Variants in PRKCH observed in about 807,000 individuals in gnomAD.
PRKCH encodes protein kinase C eta type.
PRKCH carries 28 observed loss-of-function variants against 82.5 expected under a neutral mutation model. That is an observed-to-expected ratio of 0.34 (90% confidence interval 0.25 to 0.47). PRKCH has a LOEUF of 0.47. PRKCH is among the 20% of genes least tolerant of loss of function. The pLI is 1.00. For synonymous variants in PRKCH, 322 were observed against 327.4 expected (o/e 0.98, Z 0.18); for missense variants, 705 against 881.8 (o/e 0.80, Z 2.54).
chr14:61,498,000 A>T (rs2139944158), intron 10 of PRKCH, among the ~76,000 whole-genome samples: 1 of 152,070 alleles, frequency 6.6e-6, no homozygotes, highest in South Asian at 2.1e-4. Context: ...TTTTATCATT[A>T]AAAAAATGCC....
At chr14:61,470,143 G>A (rs1327893411) in intron 9 of PRKCH, among the ~76,000 whole-genome samples, 1 of 151,660 alleles carries the variant, frequency 6.6e-6, no homozygotes, top group African/African-American at 2.4e-5. Flanking sequence ...CAAGTGCTCC[G>A]TTATATTTTT....
rs1883865879 is a variant in PRKCH, at chr14:61,439,712, T to A, written c.428-3399T>A. On this transcript the variant is annotated intron_variant, in intron 2 of 13. Transcript: ENST00000332981. ...GGCTTTAGGATTTGGGGGAGTTTGCTCAGGCTCTGAGGCAGGTAGGTTAAG... is the reference window on the plus strand; with the variant it reads ...GGCTTTAGGATTTGGGGGAGTTTGCACAGGCTCTGAGGCAGGTAGGTTAAG... 2.6e-5 allele frequency among the ~76,000 whole-genome samples: 4 copies of A among 152,102 alleles called. No homozygotes were observed. The South Asian group carries it at 8.3e-4, about 31-fold the overall frequency.
At chr14:61,488,059 A>G (rs1276849041) in intron 10 of PRKCH, among the ~76,000 whole-genome samples, 4 of 152,064 alleles carry the variant, frequency 2.6e-5, no homozygotes, top group Non-Finnish European at 5.9e-5. Context: ...AGGCTGAGGC[A>G]GAAGAATAGT....
intron 1 of PRKCH, chr14:61,305,146 A>G (rs2045477270): frequency 6.6e-6 from 1 of 151,408 alleles, no homozygotes; most frequent in African/African-American, 2.4e-5. Context: ...ACTCTACCCC[A>G]TTTTCTTTTT....
chr14:61,526,366 G>T (rs776592817), intron 10 of PRKCH, among the ~76,000 whole-genome samples: 1 of 152,194 alleles, frequency 6.6e-6, no homozygotes, highest in Non-Finnish European at 1.5e-5. Flanking sequence ...CTGACACCCG[G>T]GGAGGCTGCT....
chr14:61,280,605 C>A lies in PRKCH; in HGVS notation c.-19+92937C>A. On this transcript the variant is annotated intron_variant, in intron 1 of 3. Transcript: ENST00000555185. The surrounding 1 kb of genome is among the most constrained non-coding windows in gnomAD (Gnocchi z 5.0). The stretch of plus-strand genomic sequence containing the variant: ...GCACCTCGACGTAGGGCCCGCCGGG[C>A]TGGCGCTGGTGCCAAAGCGAGAAGG... 1 of 1,587,092 alleles carries A rather than the reference C, an allele frequency of 6.3e-7. No individual in the cohort carries two copies. Among genetic ancestry groups the A allele is most frequent in the Non-Finnish European group, 8.6e-7 (1 of 1,166,986 alleles).
intron 2 of PRKCH, among the ~76,000 whole-genome samples, chr14:61,435,075 T>C (rs1358434388): frequency 6.6e-6 from 1 of 152,066 alleles, no homozygotes; most frequent in East Asian, 1.9e-4. Flanking sequence ...AGCCAGAGGA[T>C]AAATAACCCA....
At position 61,392,199 on chromosome 14, in the gene PRKCH, A is replaced by G. The variant is rs564394666; in HGVS notation, c.427+911A>G. The stretch of plus-strand genomic sequence containing the variant: ...GGGGTTTTTCCTATTGTTGTCTATT[A>G]TGAATAATGCTTTTATTAACCTTCT... On this transcript the variant is annotated intron_variant, in intron 2 of 13. Transcript: ENST00000332981. Among the ~76,000 whole-genome samples the G allele has an allele frequency of 5.3e-5, 8 of 152,212 alleles. No individual in the cohort carries two copies. The East Asian group carries it at 1.5e-3, about 29-fold the overall frequency.
At chr14:61,417,372 A>G (rs1258252739) in intron 2 of PRKCH, among the ~76,000 whole-genome samples, 2 of 152,144 alleles carry the variant, frequency 1.3e-5, no homozygotes, top group Admixed American at 6.5e-5. Context: ...AACTGAAAGC[A>G]CCTGATTTCT....
chr14:61,374,201 C>G (rs4902050), intron 1 of PRKCH, among the ~76,000 whole-genome samples: 1 of 152,108 alleles, frequency 6.6e-6, no homozygotes, highest in Admixed American at 6.5e-5. Flanking sequence ...CAGGGCACAC[C>G]GATGCAAGGG....
chr14:61,315,229 C>T (rs1425984142), intron 1 of PRKCH, among the ~76,000 whole-genome samples: 1 of 152,088 alleles, frequency 6.6e-6, no homozygotes, highest in African/African-American at 2.4e-5. Context: ...TGCTGAGAGT[C>T]TCAGTCTTCC....
intron 1 of PRKCH, among the ~76,000 whole-genome samples, chr14:61,334,298 A>T (rs888077061): frequency 6.6e-6 from 1 of 152,148 alleles, no homozygotes; most frequent in African/African-American, 2.4e-5. Context: ...CCGCCCTAGC[A>T]CAGGGAGGTG....
At chr14:61,248,471 G>A (rs947719362) in intron 1 of PRKCH, among the ~76,000 whole-genome samples, 3 of 152,176 alleles carry the variant, frequency 2.0e-5, no homozygotes, top group African/African-American at 7.2e-5. Flanking sequence ...AAGGGCAGAT[G>A]GAGGGGGTGC....
chr14:61,489,034 G>A (rs1439686665), intron 10 of PRKCH, among the ~76,000 whole-genome samples: 3 of 152,158 alleles, frequency 2.0e-5, no homozygotes, highest in Admixed American at 1.3e-4. Context: ...ATTCCATTCA[G>A]TATACAGGCT....
chr14:61,403,324 A>G (rs1029055283), intron 2 of PRKCH, among the ~76,000 whole-genome samples: 1 of 152,230 alleles, frequency 6.6e-6, no homozygotes, highest in Non-Finnish European at 1.5e-5. Flanking sequence ...TCAAAAGCCC[A>G]GTGCTTTAAA....
At chr14:61,217,417 CTAAA>C (rs980527166) in intron 1 of PRKCH, among the ~76,000 whole-genome samples, 7 of 151,850 alleles carry the variant, frequency 4.6e-5, no homozygotes, top group African/African-American at 1.7e-4. Flanking sequence ...GTCTCAAAAA[CTAAA>C]TAAATAAGAT....
intron 1 of PRKCH, among the ~76,000 whole-genome samples, chr14:61,219,862 A>G (rs1032030767): frequency 2.0e-5 from 3 of 152,334 alleles, no homozygotes; most frequent in Admixed American, 1.3e-4. Context: ...GAGATGGCAG[A>G]GCTGCTTTGG....
At chr14:61,390,531 A>G (rs1373863787) in intron 1 of PRKCH, among the ~76,000 whole-genome samples, 1 of 152,058 alleles carries the variant, frequency 6.6e-6, no homozygotes, top group South Asian at 2.1e-4. Flanking sequence ...AACAGATCAG[A>G]TGTGGTGGCA....
chr14:61,392,370 C>G (rs2046697039), intron 2 of PRKCH, among the ~76,000 whole-genome samples: 1 of 152,170 alleles, frequency 6.6e-6, no homozygotes, highest in East Asian at 1.9e-4. Context: ...TATACTCCCA[C>G]CAGCAATGCA....
Sources: allele counts gnomAD v4.1 joint callset (sites outside exome capture counted in the v4.1 genomes callset), GRCh38; gene constraint gnomAD v4.1.1; non-coding constraint Gnocchi (gnomAD v3.1); transcripts MANE v1.5; gene names NCBI Gene and HGNC (gene_info 2026-07-23, HGNC 2026-07-21).